APPL2: variants seen among roughly 807,000 people sequenced by gnomAD.
APPL2 encodes the protein DCC-interacting protein 13-beta.
In APPL2, 84 loss-of-function variants were observed where a neutral mutation model predicts 92.7. The ratio of observed to expected loss-of-function variants is 0.91; its 90% CI spans 0.76 to 1.09. APPL2 has a LOEUF of 1.09. Ranked by LOEUF, APPL2 falls within the 50% of genes least tolerant of loss-of-function variation. APPL2 has a pLI of 0.00. For synonymous variants in APPL2, 291 were observed against 291.0 expected, an observed-to-expected ratio of 1.00 and a Z score of 0.00; for missense variants, 736 against 824.5, an observed-to-expected ratio of 0.89 and a Z score of 1.31.
intron 2 of APPL2, among the ~76,000 whole-genome samples, chr12:105,220,581 A>T (rs1350303507): frequency 6.6e-6 from 1 of 152,172 alleles, no homozygotes; most frequent in Non-Finnish European, 1.5e-5. Context: ...CAACTCTAAT[A>T]TGTTACTTCC....
intron 17 of APPL2, among the ~76,000 whole-genome samples, chr12:105,182,621 CAGTT>C (rs1449198311): frequency 1.8e-4 from 28 of 152,150 alleles, no homozygotes; most frequent in African/African-American, 6.3e-4. Context: ...GTCTGAGAGA[CAGTT>C]TGTTGTGATT....
intron 17 of APPL2, among the ~76,000 whole-genome samples, chr12:105,179,470 A>G (rs1885897012): frequency 6.6e-6 from 1 of 152,086 alleles, no homozygotes; most frequent in Admixed American, 6.5e-5. Context: ...TTTTATAGAA[A>G]ATGATTATAG....
In APPL2 at chr12:105,188,451, G is replaced by A. The variant is rs777371226; in HGVS notation, c.1460-4C>T. ...AACATCTGCTGCAAAAGAGAATCTG[G>A]AAGACAGCATTTTCCACTCAGGATC... On this transcript the variant is annotated splice_polypyrimidine_tract_variant and splice_region_variant and intron_variant, in intron 16 of 20. Coordinates refer to ENST00000258530, the MANE Select transcript of APPL2 (RefSeq NM_018171.5). The A allele has an allele frequency of 6.2e-7, 1 of 1,613,860 alleles. No homozygotes were observed. Among genetic ancestry groups the A allele is most frequent in the Non-Finnish European group, 8.5e-7 (1 of 1,179,854 alleles).
chr12:105,217,103 G>A lies in APPL2; in HGVS notation c.251C>T (p.Ser84Leu), dbSNP rs752007330. The A allele has an allele frequency of 1.5e-5, 24 of 1,610,864 alleles. No individual in the cohort carries two copies. The highest frequency in any genetic ancestry group is 2.0e-5 in the Non-Finnish European group (24 of 1,177,960). ...ALGKGDEEVI[S>L]TLHYFSKVVD... ...CACTTTGGAAAAATAGTGGAGTGTT[G>A]AAATTACTTCTTCATCACCTTTGCC... Residue 84 changes from serine (S) to leucine (L), a missense_variant, in exon 4 of 21, where the codon TCA becomes TTA. Transcript: ENST00000258530.
intron 1 of APPL2, among the ~76,000 whole-genome samples, chr12:105,234,970 G>A (rs1249206930): frequency 1.3e-5 from 2 of 152,168 alleles, no homozygotes; most frequent in African/African-American, 2.4e-5. Flanking sequence ...CTGAACTGTC[G>A]ATGTAGGTAA....
intron 9 of APPL2, chr12:105,203,337 T>C (rs1000327100): frequency 1.4e-5 from 3 of 208,846 alleles, no homozygotes; most frequent in South Asian, 3.2e-4. Context: ...TTACCTATTA[T>C]AAATTAATGC....
At chr12:105,227,139 A>AT (rs1376457813) in intron 2 of APPL2, among the ~76,000 whole-genome samples, 1 of 151,082 alleles carries the variant, frequency 6.6e-6, no homozygotes, top group African/African-American at 2.4e-5. Context: ...AAAAATAAAA[A>AT]AAAAAGACTC....
At chr12:105,229,262 A>G in intron 1 of APPL2, 39 bp from the exon 2 acceptor site, 1 of 1,562,290 alleles carries the variant, frequency 6.4e-7, no homozygotes, top group African/African-American at 1.3e-5. Flanking sequence ...TTCATTTCTA[A>G]GTGGAAAAGT....
intron 2 of APPL2, 73 bp downstream of exon 2, chr12:105,229,052 C>A: frequency 7.7e-7 from 1 of 1,292,486 alleles, no homozygotes; most frequent in Non-Finnish European, 1.1e-6. Flanking sequence ...AATTTCTCAA[C>A]CTCTGAGGGA....
Position 105,220,853 on chromosome 12 carries a change from A to G in APPL2, c.154-3128T>C, listed in dbSNP as rs149482769. On this transcript the variant is annotated intron_variant, in intron 2 of 20. Transcript: ENST00000258530. ...AGGGGCACAGCGTGCAACACACAAC[A>G]GCTGCCTTCCAAAACGACTTCGAAC... is the stretch of plus-strand genomic sequence containing the variant. Among the ~76,000 whole-genome samples the G allele has an allele frequency of 3.9e-5, 6 of 152,380 alleles. No homozygotes were observed. In the East Asian group the frequency reaches 1.2e-3, roughly 29 times the overall value.
At chr12:105,201,537 C>T (rs1321805346) in intron 9 of APPL2, among the ~76,000 whole-genome samples, 1 of 152,046 alleles carries the variant, frequency 6.6e-6, no homozygotes, top group African/African-American at 2.4e-5. Context: ...TGGCTTCTTG[C>T]GTACAACTCC....
chr12:105,206,924 T>G, intron 8 of APPL2, 137 bp downstream of exon 8: 1 of 1,164,282 alleles, frequency 8.6e-7, no homozygotes, highest in Non-Finnish European at 1.2e-6. Context: ...GTCCAAGTGC[T>G]GAATCCCACA....
In APPL2 at chr12:105,203,689, G is replaced by A; in HGVS notation, c.704+14C>T. On this transcript the variant is annotated intron_variant, in intron 9 of 20. Coordinates refer to ENST00000258530, the MANE Select transcript of APPL2 (RefSeq NM_018171.5). ...GCAAGGGGCACACAAGACCCGGCCG[G>A]AGTGCAGCATTACCTTTGAACCATG... The A allele has an allele frequency of 6.2e-7, 1 of 1,613,594 alleles. No homozygotes were observed. Among genetic ancestry groups the A allele is most frequent in the Non-Finnish European group, 8.5e-7 (1 of 1,179,466 alleles).
chr12:105,195,178 G>A (rs1887530639), intron 14 of APPL2, 83 bp downstream of exon 14: 1 of 1,375,424 alleles, frequency 7.3e-7, no homozygotes, highest in Non-Finnish European at 1.0e-6. Context: ...CTTGGTTTGT[G>A]TGGATTAAGC....
chr12:105,205,323 C>A (rs541302840), intron 8 of APPL2, among the ~76,000 whole-genome samples: 20 of 152,196 alleles, frequency 1.3e-4, no homozygotes, highest in African/African-American at 3.9e-4. Flanking sequence ...AATCTGGATA[C>A]GAAAAATGAA....
intron 4 of APPL2, 25 bp from the exon 5 acceptor site, chr12:105,211,342 A>G (rs757653183): frequency 2.0e-6 from 3 of 1,491,692 alleles, no homozygotes; most frequent in Non-Finnish European, 1.9e-6. Context: ...ATGGTATTCA[A>G]GTAAATTAAA....
chr12:105,184,900 T>C (rs1195067921), intron 17 of APPL2, among the ~76,000 whole-genome samples: 1 of 127,700 alleles, frequency 7.8e-6, no homozygotes, highest in Non-Finnish European at 1.7e-5. Context: ...GATGGGAGTT[T>C]GATCTGTAAG....
At chr12:105,222,500 G>C (rs564287052) in intron 2 of APPL2, among the ~76,000 whole-genome samples, 96 of 152,290 alleles carry the variant, frequency 6.3e-4, no homozygotes, top group African/African-American at 2.2e-3. Context: ...CTGCCCATGT[G>C]GAAGGCCAGA....
chr12:105,230,338 A>G (rs1474816376), intron 1 of APPL2, among the ~76,000 whole-genome samples: 2 of 152,204 alleles, frequency 1.3e-5, no homozygotes, highest in Non-Finnish European at 2.9e-5. Flanking sequence ...AAATATTTAC[A>G]TACTGGATGG....
Sources: allele counts gnomAD v4.1 joint callset (sites outside exome capture counted in the v4.1 genomes callset), GRCh38; gene constraint gnomAD v4.1.1; transcripts MANE v1.5; gene names NCBI Gene and HGNC (gene_info 2026-07-23, HGNC 2026-07-21).